The following TM9SF3 variants were observed in gnomAD, a reference collection of about 807,000 sequenced individuals.
The protein encoded by TM9SF3 is transmembrane 9 superfamily member 3.
TM9SF3 carries 14 observed loss-of-function variants against 78.6 expected under a neutral mutation model. That is an observed-to-expected ratio of 0.18 (90% CI 0.12 to 0.28). The LOEUF (loss-of-function observed/expected upper bound fraction) is 0.28, where lower values mean the gene tolerates loss of function less well. TM9SF3 is among the 10% of genes least tolerant of loss of function. The pLI, the probability that TM9SF3 is intolerant of heterozygous loss-of-function variation, is 1.00. For synonymous variants in TM9SF3, 231 were observed against 241.7 expected, an observed-to-expected ratio of 0.96 and a Z score of 0.41; for missense variants, 496 against 721.9, an observed-to-expected ratio of 0.69 and a Z score of 3.59.
At chr10:96,540,550 T>C (rs1244009682) in intron 9 of TM9SF3, among the ~76,000 whole-genome samples, 1 of 151,714 alleles carries the variant, frequency 6.6e-6, no homozygotes, top group Non-Finnish European at 1.5e-5. Flanking sequence ...TTCCTCTTAC[T>C]TTTTTTTGTT....
chr10:96,559,339 TA>T (rs1353805861), intron 5 of TM9SF3, among the ~76,000 whole-genome samples: 1 of 152,210 alleles, frequency 6.6e-6, no homozygotes, highest in East Asian at 1.9e-4. Context: ...TTCACCTCAT[TA>T]GAAGGCCAAT....
At chr10:96,544,337 C>A in intron 8 of TM9SF3, 131 bp from the exon 9 acceptor site, 1 of 814,014 alleles carries the variant, frequency 1.2e-6, no homozygotes, top group Non-Finnish European at 1.8e-6. Flanking sequence ...TAACAAATAC[C>A]AAAGATTTCC....
chr10:96,574,923 G>C (rs898529827), intron 2 of TM9SF3, among the ~76,000 whole-genome samples: 2 of 152,128 alleles, frequency 1.3e-5, no homozygotes, highest in African/African-American at 2.4e-5. Context: ...GGCCCTGTCA[G>C]GGGGTGGGGG....
intron 4 of TM9SF3, chr10:96,560,918 T>C (rs1317248958): frequency 1.9e-6 from 1 of 515,286 alleles, no homozygotes; most frequent in Non-Finnish European, 3.8e-6. Flanking sequence ...ATACAAAAAG[T>C]GCATTGAACA....
At chr10:96,581,675 A>T (rs1008685077) in intron 1 of TM9SF3, among the ~76,000 whole-genome samples, 2 of 152,204 alleles carry the variant, frequency 1.3e-5, no homozygotes, top group African/African-American at 4.8e-5. Context: ...AACAGCTTAT[A>T]CTCTTTATAA....
Position 96,520,882 on chromosome 10 carries a change from T to C in TM9SF3, c.*1381A>G, listed in dbSNP as rs1233378919. 2.5e-6 allele frequency: 1 copy of C among 396,916 alleles called. No homozygotes were observed. Among genetic ancestry groups the C allele is most frequent in the East Asian group, 3.6e-5 (1 of 28,022 alleles). 24.6% of individuals were successfully genotyped at this position (396,916 alleles called of 1,614,324 possible). On this transcript the variant is annotated 3_prime_UTR_variant, in exon 15 of 15. Transcript: ENST00000371142. ...AAAATACGGGTCCCCTGTATGAGAG[T>C]AGCATAGTTTATAGCATACTTTTAA...
chr10:96,579,347 T>C (rs143206953), intron 1 of TM9SF3, among the ~76,000 whole-genome samples: 1 of 152,326 alleles, frequency 6.6e-6, no homozygotes, highest in African/African-American at 2.4e-5. Context: ...TGCAGAAATG[T>C]TATAAATGTA....
chr10:96,546,595 T>C (rs542965894), intron 8 of TM9SF3, among the ~76,000 whole-genome samples: 29 of 152,320 alleles, frequency 1.9e-4, no homozygotes, highest in African/African-American at 6.5e-4. Context: ...ATGATAGGAC[T>C]AATTTCCCAC....
intron 10 of TM9SF3, among the ~76,000 whole-genome samples, chr10:96,532,192 A>C (rs1847905773): frequency 6.6e-6 from 1 of 152,052 alleles, no homozygotes; most frequent in African/African-American, 2.4e-5. Context: ...CCTGGGCCAC[A>C]GAGTGAGACC....
intron 4 of TM9SF3, chr10:96,560,186 TG>T: frequency 3.0e-6 from 3 of 990,698 alleles, no homozygotes; most frequent in Non-Finnish European, 4.7e-6. Flanking sequence ...TGCCACCCCA[TG>T]GAAGATTCGA....
intron 1 of TM9SF3, among the ~76,000 whole-genome samples, chr10:96,586,253 G>A (rs1848627868): frequency 6.6e-6 from 1 of 152,198 alleles, no homozygotes; most frequent in Admixed American, 6.5e-5. Context: ...AAAGCCAAAG[G>A]AGACCATAAA....
intron 2 of TM9SF3, among the ~76,000 whole-genome samples, chr10:96,568,860 G>A (rs1848408422): frequency 6.6e-6 from 1 of 151,974 alleles, no homozygotes; most frequent in Admixed American, 6.6e-5. Flanking sequence ...AACAGAGACA[G>A]CATCTATGCT....
At chr10:96,528,005 A>G (rs1397779803) in intron 12 of TM9SF3, 26 bp downstream of exon 12, 10 of 1,594,216 alleles carry the variant, frequency 6.3e-6, no homozygotes, top group Non-Finnish European at 8.5e-6. Flanking sequence ...GGTTCCCCAA[A>G]TTTCTATCCA....
At chr10:96,574,896 G>A (rs1422931806) in intron 2 of TM9SF3, among the ~76,000 whole-genome samples, 1 of 152,138 alleles carries the variant, frequency 6.6e-6, no homozygotes, top group African/African-American at 2.4e-5. Context: ...ACACAGGGAA[G>A]GGAACATCAC....
chr10:96,543,157 G>A (rs1360995333), intron 9 of TM9SF3, among the ~76,000 whole-genome samples: 2 of 152,112 alleles, frequency 1.3e-5, no homozygotes, highest in South Asian at 4.1e-4. Context: ...CTAAAATTCT[G>A]TTTCTAGTAA....
At chr10:96,526,045 T>C (rs1847834646) in intron 14 of TM9SF3, among the ~76,000 whole-genome samples, 1 of 152,136 alleles carries the variant, frequency 6.6e-6, no homozygotes, top group South Asian at 2.1e-4. Context: ...TCACTGAGCA[T>C]CTACCAGCCA....
rs558345844 is a variant in TM9SF3, at chr10:96,558,617, G to C, written c.660+1042C>G. Among the ~76,000 whole-genome samples, 8 of 150,514 alleles carry C rather than the reference G, an allele frequency of 5.3e-5. No homozygotes were observed. In the South Asian group the frequency reaches 1.7e-3, roughly 32 times the overall value. ...GCCAAGATCATGCCACTGCACTCCA[G>C]CCCAGGGGACAGAGCAAGGCTCTGT... On this transcript the variant is annotated intron_variant, in intron 5 of 14. Coordinates refer to ENST00000371142, the MANE Select transcript of TM9SF3 (RefSeq NM_020123.4).
At chr10:96,572,889 T>C (rs953969753) in intron 2 of TM9SF3, among the ~76,000 whole-genome samples, 2 of 152,140 alleles carry the variant, frequency 1.3e-5, no homozygotes, top group Non-Finnish European at 2.9e-5. Flanking sequence ...AAGAAAAAGT[T>C]GTGTATAAAA....
At chr10:96,523,098 C>G (rs1847797982) in intron 14 of TM9SF3, among the ~76,000 whole-genome samples, 4 of 151,748 alleles carry the variant, frequency 2.6e-5, no homozygotes, top group Admixed American at 2.6e-4. Context: ...CTAGATGGTT[C>G]TTTATTGCAA....
Sources: allele counts gnomAD v4.1 joint callset (sites outside exome capture counted in the v4.1 genomes callset), GRCh38; gene constraint gnomAD v4.1.1; transcripts MANE v1.5; gene names NCBI Gene and HGNC (gene_info 2026-07-23, HGNC 2026-07-21).